Variants in DPYD observed in about 807,000 individuals in gnomAD.
DPYD encodes the protein dihydropyrimidine dehydrogenase [NADP(+)].
In DPYD, 109 loss-of-function variants were observed where a neutral mutation model predicts 116.2. The ratio of observed to expected loss-of-function variants is 0.94; its 90% CI spans 0.80 to 1.10. The LOEUF is 1.10. Ranked by LOEUF, DPYD falls within the 50% of genes least tolerant of loss-of-function variation. The pLI, the probability that DPYD is intolerant of heterozygous loss-of-function variation, is 0.00. For missense variants in DPYD, 1,302 were observed against 1,254.5 expected (o/e 1.04, Z -0.57); for synonymous variants, 440 against 432.0 (o/e 1.02, Z -0.23).
intron 14 of DPYD, among the ~76,000 whole-genome samples, chr1:97,393,753 T>A (rs1432799554): frequency 1.3e-5 from 2 of 152,082 alleles, no homozygotes; most frequent in Non-Finnish European, 2.9e-5. Flanking sequence ...AATAAACATA[T>A]GTGTGTATGT....
chr1:97,567,710 A>C (rs1379175098), intron 11 of DPYD, among the ~76,000 whole-genome samples: 1 of 152,194 alleles, frequency 6.6e-6, no homozygotes, highest in Non-Finnish European at 1.5e-5. Flanking sequence ...ACTTAGTTGA[A>C]AATTCAAAAG....
intron 18 of DPYD, among the ~76,000 whole-genome samples, chr1:97,268,773 C>T (rs1366091839): frequency 6.6e-6 from 1 of 152,154 alleles, no homozygotes; most frequent in Non-Finnish European, 1.5e-5. Context: ...CCTAACTTGC[C>T]TTGAAGATCT....
intron 19 of DPYD, among the ~76,000 whole-genome samples, chr1:97,232,971 T>A (rs1474341095): frequency 6.6e-6 from 1 of 152,220 alleles, no homozygotes; most frequent in Non-Finnish European, 1.5e-5. Context: ...AATTTTTAAT[T>A]GAAATCTTGA....
At chr1:97,789,797 T>A (rs1667222008) in intron 3 of DPYD, among the ~76,000 whole-genome samples, 1 of 152,172 alleles carries the variant, frequency 6.6e-6, no homozygotes. Context: ...CACAAATCAC[T>A]CAGCTCCCTT....
At chr1:97,122,300 A>G (rs1471530947) in intron 20 of DPYD, among the ~76,000 whole-genome samples, 3 of 152,282 alleles carry the variant, frequency 2.0e-5, no homozygotes, top group African/African-American at 7.2e-5. Flanking sequence ...GACAGACTTC[A>G]TTCAGAAGCC....
intron 8 of DPYD, among the ~76,000 whole-genome samples, chr1:97,654,023 C>T (rs975111851): frequency 6.6e-6 from 1 of 152,128 alleles, no homozygotes; most frequent in Admixed American, 6.6e-5. Context: ...TACATGTGCA[C>T]AATAACTTAT....
chr1:97,385,586 C>A (rs1446826399), intron 14 of DPYD, among the ~76,000 whole-genome samples: 4 of 150,864 alleles, frequency 2.7e-5, no homozygotes, highest in African/African-American at 9.7e-5. Flanking sequence ...CACCTCCTAA[C>A]ATAACAAAAT....
intron 1 of DPYD, among the ~76,000 whole-genome samples, chr1:97,894,304 A>AGCTACCTTCTAAAGGC (rs1553256705): frequency 1.3e-5 from 2 of 151,930 alleles, no homozygotes; most frequent in African/African-American, 4.8e-5. Flanking sequence ...ATCTACCCCT[A>AGCTACCTTCTAAAGGC]GCTACCTTCT....
In DPYD at chr1:97,679,184, T is replaced by C. The variant is rs1300669537; in HGVS notation, c.763-2A>G. The stretch of plus-strand genomic sequence containing the variant: ...TGAAAGGCTTTTACCGCAAATTATC[T>C]ATAAGAAACAATATTTTGCATAAGA... On this transcript the variant is annotated splice_acceptor_variant, in intron 7 of 22. Coordinates refer to ENST00000370192, the MANE Select transcript of DPYD (RefSeq NM_000110.4). LOFTEE classifies it high-confidence loss of function. The C allele has an allele frequency of 2.6e-6, 4 of 1,514,800 alleles. No individual in the cohort carries two copies. Among genetic ancestry groups the C allele is most frequent in the African/African-American group, 1.4e-5 (1 of 72,842 alleles). 93.8% of individuals were successfully genotyped at this position (1,514,800 alleles called of 1,614,324 possible). A position where few individuals can be genotyped will look rare whatever the true frequency, so the allele number is the denominator to read the frequency against.
At chr1:97,792,968 C>A (rs747968498) in intron 3 of DPYD, among the ~76,000 whole-genome samples, 114 of 152,062 alleles carry the variant, frequency 7.5e-4, no homozygotes, top group Admixed American at 1.8e-3. Context: ...AGAAAAAGAA[C>A]ATTATGTAAA....
In DPYD at chr1:97,684,584, T is replaced by TAC. The variant is rs748466426; in HGVS notation, c.763-5404_763-5403dup. 4.9e-4 allele frequency among the ~76,000 whole-genome samples: 74 copies of TAC among 150,222 alleles called. 3 individuals carry two copies. The East Asian group carries it at 0.013, about 25-fold the overall frequency. ...TTTGAAAAAAAAATATATATATATA[T>TAC]ACACACACACCAATAGGTAGACTAA... On this transcript the variant is annotated intron_variant, in intron 7 of 22. Transcript: ENST00000370192.
intron 3 of DPYD, among the ~76,000 whole-genome samples, chr1:97,779,162 A>C (rs1666587361): frequency 6.6e-6 from 1 of 152,268 alleles, no homozygotes; most frequent in African/African-American, 2.4e-5. Flanking sequence ...TGGTTTCACA[A>C]GGATTTTTAA....
intron 18 of DPYD, among the ~76,000 whole-genome samples, chr1:97,247,385 A>G (rs1191025770): frequency 6.6e-6 from 1 of 152,056 alleles, no homozygotes; most frequent in Non-Finnish European, 1.5e-5. Context: ...CAATCTGGCA[A>G]CCTCTCTTAA....
intron 21 of DPYD, among the ~76,000 whole-genome samples, chr1:97,094,951 C>T (rs568908620): frequency 6.6e-6 from 1 of 152,190 alleles, no homozygotes; most frequent in African/African-American, 2.4e-5. Flanking sequence ...CTACCTCTTC[C>T]ATGAGGTTAA....
intron 20 of DPYD, among the ~76,000 whole-genome samples, chr1:97,118,279 G>T (rs544207115): frequency 6.6e-6 from 1 of 152,156 alleles, no homozygotes; most frequent in African/African-American, 2.4e-5. Context: ...GGCACCCTGA[G>T]CTCTCTTGAT....
In DPYD at chr1:97,673,511, C is replaced by A. The variant is rs547858161; in HGVS notation, c.850+5584G>T. 6.6e-5 allele frequency among the ~76,000 whole-genome samples: 10 copies of A among 151,940 alleles called. No homozygotes were observed. The South Asian group carries it at 2.1e-3, about 32-fold the overall frequency. ...ATTTTAAAATCAATAACTAAAAATA[C>A]GTATAAAGTTCCTACTATGTACCCG... is the stretch of plus-strand genomic sequence containing the variant. On this transcript the variant is annotated intron_variant, in intron 8 of 22. Transcript: ENST00000370192.
chr1:97,146,944 G>A (rs1197786862), intron 20 of DPYD, among the ~76,000 whole-genome samples: 1 of 152,178 alleles, frequency 6.6e-6, no homozygotes, highest in African/African-American at 2.4e-5. Context: ...AGAGTCAGAA[G>A]AACTGCATGC....
At chr1:97,728,099 G>A (rs148189779) in intron 4 of DPYD, among the ~76,000 whole-genome samples, 57 of 152,028 alleles carry the variant, frequency 3.7e-4, no homozygotes, top group African/African-American at 1.4e-3. Flanking sequence ...ATACATATCT[G>A]ATTTTTTTGT....
At chr1:97,708,687 T>C (rs1662121010) in intron 5 of DPYD, among the ~76,000 whole-genome samples, 1 of 152,040 alleles carries the variant, frequency 6.6e-6, no homozygotes, top group South Asian at 2.1e-4. Flanking sequence ...TTCCTGAGAT[T>C]TTGATTTGGG....
Sources: gnomAD v4.1 joint callset for allele counts (sites outside exome capture counted in the v4.1 genomes callset) on GRCh38, gnomAD v4.1.1 for gene constraint, MANE v1.5 for transcripts, NCBI Gene and HGNC (gene_info 2026-07-23, HGNC 2026-07-21) for gene names.